Variants in ANKRD52 observed in about 807,000 individuals in gnomAD.
The protein encoded by ANKRD52 is ankyrin repeat domain 52.
A neutral mutation model predicts 116.0 loss-of-function variants in ANKRD52; 7 were observed. That is an observed-to-expected ratio of 0.06 (90% CI 0.03 to 0.11). The LOEUF is 0.11. Ranked by LOEUF, ANKRD52 falls within the 10% of genes least tolerant of loss-of-function variation. ANKRD52 has a pLI of 1.00. For synonymous variants in ANKRD52, 528 were observed against 578.1 expected, an observed-to-expected ratio of 0.91 and a Z score of 1.24; for missense variants, 839 against 1,408.6, an observed-to-expected ratio of 0.60 and a Z score of 6.47.
At position 56,255,649 on chromosome 12, in the gene ANKRD52, G is replaced by A. The variant is rs1249388539; in HGVS notation, c.462+135C>T. ...AATCTAGTCTGACCATTCATTTAGT[G>A]CTTCAGCTTAAGTGTTTATATAACC... On this transcript the variant is annotated intron_variant, in intron 5 of 27. Transcript: ENST00000267116. The surrounding 1 kb of genome is among the most constrained non-coding windows in gnomAD (Gnocchi z 4.3). 12 of 745,168 alleles carry A rather than the reference G, an allele frequency of 1.6e-5. No homozygotes were observed. The highest frequency in any genetic ancestry group is 1.7e-5 in the Non-Finnish European group (8 of 462,012). 46.2% of individuals were successfully genotyped at this position (745,168 alleles called of 1,614,324 possible). A position where few individuals can be genotyped will look rare whatever the true frequency, so the allele number is the denominator to read the frequency against.
At chr12:56,249,001 A>G in intron 15 of ANKRD52, 131 bp from the exon 16 acceptor site, 1 of 597,820 alleles carries the variant, frequency 1.7e-6, no homozygotes, top group Non-Finnish European at 2.9e-6. Context: ...AGCTCTAGGT[A>G]GGTTCTCTAA....
In ANKRD52 at chr12:56,248,703, C is replaced by T; in HGVS notation, c.1704+56G>A. 2 of 1,530,044 alleles carry T rather than the reference C, an allele frequency of 1.3e-6. No individual in the cohort carries two copies. The highest frequency in any genetic ancestry group is 4.7e-5 in the East Asian group (2 of 42,796). The allele number at this position is 1,530,044 out of a possible 1,614,324, so 94.8% of individuals were successfully genotyped here. ...ATTGAACCCTTAGTTTTGGAATCCA[C>T]AAACCCTGTGCCCTGCCCCTGCCTC... On this transcript the variant is annotated intron_variant, in intron 16 of 27. Transcript: ENST00000267116. This position sits in a 1 kb window ranked among gnomAD's most constrained non-coding sequence, Gnocchi z 5.1.
rs1555159446 is a variant in ANKRD52 at position 56,252,134 on chromosome 12, G to A, written c.1512-39C>T. 1 of 1,613,842 alleles carries A rather than the reference G, an allele frequency of 6.2e-7. No homozygotes were observed. Among genetic ancestry groups the A allele is most frequent in the Non-Finnish European group, 8.5e-7 (1 of 1,179,858 alleles). ...AGAGAAAGTTAGGGCCAGGCTCAGGGAGGTGAATGGGGCTGAGAAGGACCA... is the reference window on the plus strand; with the variant it reads ...AGAGAAAGTTAGGGCCAGGCTCAGGAAGGTGAATGGGGCTGAGAAGGACCA... On this transcript the variant is annotated intron_variant, in intron 14 of 27. Coordinates refer to ENST00000267116, the MANE Select transcript of ANKRD52 (RefSeq NM_173595.4). The surrounding 1 kb of genome is among the most constrained non-coding windows in gnomAD (Gnocchi z 4.7).
At chr12:56,251,901 C>A (rs529994387) in intron 15 of ANKRD52, 114 bp downstream of exon 15, 1 of 1,180,712 alleles carries the variant, frequency 8.5e-7, no homozygotes, top group Non-Finnish European at 1.2e-6. Context: ...TGCTGGCTGA[C>A]CGGCAGGACA....
At position 56,243,198 on chromosome 12, in the gene ANKRD52, G is replaced by C. The variant is rs1431904872; in HGVS notation, c.3175C>G (p.Pro1059Ala). 1 of 1,612,794 alleles carries C rather than the reference G, an allele frequency of 6.2e-7. No homozygotes were observed. Among genetic ancestry groups the C allele is most frequent in the Non-Finnish European group, 8.5e-7 (1 of 1,179,448 alleles). The change falls in exon 28 of 28, where the codon CCC (proline) becomes GCC (alanine). Residue 1059 changes from proline (P) to alanine (A), a missense_variant. By Grantham distance (27) the Pro-to-Ala change is conservative (BLOSUM62 -1). This residue lies in a region of ANKRD52 where 552 missense variants were observed against 810.6 expected (regional missense o/e 0.68). Transcript: ENST00000267116. This position sits in a 1 kb window ranked among gnomAD's most constrained non-coding sequence, Gnocchi z 4.6. ...CGALPHGASC[P>A]YSQERPGAIG... ...GCGCCGGGCCGCTCCTGGCTGTAGG[G>C]GCAGGAGGCCCCATGGGGCAGGGCG...
chr12:56,245,411 G>A lies in ANKRD52; in HGVS notation c.2370C>T (p.Ser790=), dbSNP rs765121379. The change falls in exon 21 of 28, where the codon AGC becomes AGT. Residue 790 remains serine (S), a synonymous_variant. Transcript: ENST00000267116. ...TDPLDAGVDY[S]GYSPMHWASY... is the part of the protein sequence containing the mutation. The stretch of plus-strand genomic sequence containing the variant: ...AGGCCCAGTGCATGGGCGAGTATCC[G>A]CTGTAATCCACCCCGGCATCCAGGG... The A allele has an allele frequency of 5.0e-5, 80 of 1,612,490 alleles. No homozygotes were observed. The highest frequency in any genetic ancestry group is 1.3e-4 in the African/African-American group (10 of 74,862).
chr12:56,252,966 C>G lies in ANKRD52; in HGVS notation c.1183+38G>C. 6.3e-7 allele frequency: 1 copy of G among 1,586,978 alleles called. No homozygotes were observed. Among genetic ancestry groups the G allele is most frequent in the Non-Finnish European group, 8.6e-7 (1 of 1,166,458 alleles). On this transcript the variant is annotated intron_variant, in intron 11 of 27. Transcript: ENST00000267116. The surrounding 1 kb of genome is among the most constrained non-coding windows in gnomAD (Gnocchi z 4.7). ...GCAGGGAGGGAAAGGCCTTTGCTCTCCTATACACCTGCCAATCCCCAGCCC... is the reference window on the plus strand; with the variant it reads ...GCAGGGAGGGAAAGGCCTTTGCTCTGCTATACACCTGCCAATCCCCAGCCC...
In ANKRD52 at chr12:56,244,092, T is replaced by C. The variant is rs757773521; in HGVS notation, c.2847A>G (p.Gln949=). 1 of 1,613,984 alleles carries C rather than the reference T, an allele frequency of 6.2e-7. No homozygotes were observed. Among genetic ancestry groups the C allele is most frequent in the South Asian group, 1.1e-5 (1 of 91,076 alleles). ...KCALMILAET[Q]DLGLINATNS... ...TGGTAGCATTGATAAGGCCAAGGTCTTGGGTTTCTGCCAGGATCATGAGGG... is the reference window on the plus strand; with the variant it reads ...TGGTAGCATTGATAAGGCCAAGGTCCTGGGTTTCTGCCAGGATCATGAGGG... The change falls in exon 26 of 28, where the codon CAA becomes CAG. Residue 949 remains glutamine (Q), a synonymous_variant. Transcript: ENST00000267116. The surrounding 1 kb of genome is among the most constrained non-coding windows in gnomAD (Gnocchi z 4.9).
chr12:56,246,273 G>T (rs1470753291), intron 20 of ANKRD52, among the ~76,000 whole-genome samples: 1 of 151,580 alleles, frequency 6.6e-6, no homozygotes, highest in African/African-American at 2.4e-5. Flanking sequence ...CAGGTGATCT[G>T]CCCGCCTTGG....
Position 56,244,267 on chromosome 12 carries a change from G to T in ANKRD52, c.2805+86C>A. 6.5e-7 allele frequency: 1 copy of T among 1,539,540 alleles called. No individual in the cohort carries two copies. The highest frequency in any genetic ancestry group is 9.0e-7 in the Non-Finnish European group (1 of 1,116,364). On this transcript the variant is annotated intron_variant, in intron 25 of 27. Coordinates refer to ENST00000267116, the MANE Select transcript of ANKRD52 (RefSeq NM_173595.4). The surrounding 1 kb of genome is among the most constrained non-coding windows in gnomAD (Gnocchi z 4.9). ...GATAGGCTGGACAATCCTCACTTCT[G>T]CCCCAGTCCCCTCTGCAACCGAGAC...
intron 15 of ANKRD52, among the ~76,000 whole-genome samples, chr12:56,250,019 AGAGT>A (rs1871608381): frequency 1.3e-5 from 2 of 152,086 alleles, no homozygotes; most frequent in South Asian, 4.1e-4. Context: ...CCTGGGCAAC[AGAGT>A]GAGACTCGGT....
Position 56,238,031 on chromosome 12 carries a change from C to A in ANKRD52, c.*5111G>T. On this transcript the variant is annotated 3_prime_UTR_variant, in exon 28 of 28. Coordinates refer to ENST00000267116, the MANE Select transcript of ANKRD52 (RefSeq NM_173595.4). ...AGGGGTGGGGCAAATGCACCGAGGTCCCCACTTTTTCCTGCTGCCCTCGGC... is the reference window on the plus strand; with the variant it reads ...AGGGGTGGGGCAAATGCACCGAGGTACCCACTTTTTCCTGCTGCCCTCGGC... 1 of 316,466 alleles carries A rather than the reference C, an allele frequency of 3.2e-6. No homozygotes were observed. Among genetic ancestry groups the A allele is most frequent in the Non-Finnish European group, 5.8e-6 (1 of 172,930 alleles). The allele number at this position is 316,466 out of a possible 1,614,324, so 19.6% of individuals were successfully genotyped here.
chr12:56,243,159 C>A lies in ANKRD52; in HGVS notation c.3214G>T (p.Gly1072Cys). 1 of 1,602,928 alleles carries A rather than the reference C, an allele frequency of 6.2e-7. No individual in the cohort carries two copies. The highest frequency in any genetic ancestry group is 8.5e-7 in the Non-Finnish European group (1 of 1,174,476). The change falls in exon 28 of 28, where the codon GGC (glycine) becomes TGC (cysteine). Residue 1072 changes from glycine (G) to cysteine (C), a missense_variant. By Grantham distance (159) the Gly-to-Cys change is radical. Transcript: ENST00000267116. The surrounding 1 kb of genome is among the most constrained non-coding windows in gnomAD (Gnocchi z 4.6). ...GGAGGGGGCTACTCAGAGTAGCAGC[C>A]ATCTAACCCAATGGCGCCGGGCCGC... is the stretch of plus-strand genomic sequence containing the variant. ...QERPGAIGLDGCYSE is the reference protein window; with the variant it reads ...QERPGAIGLDCCYSE
chr12:56,248,943 A>G lies in ANKRD52; in HGVS notation c.1593-73T>C. ...GAGGGCACAGTTCTGGGAGGGCCAG[A>G]GGAGAGGACCAAGGCCCTCCAGGCC... On this transcript the variant is annotated intron_variant, in intron 15 of 27. Coordinates refer to ENST00000267116, the MANE Select transcript of ANKRD52 (RefSeq NM_173595.4). This position sits in a 1 kb window ranked among gnomAD's most constrained non-coding sequence, Gnocchi z 5.1. The G allele has an allele frequency of 8.7e-7, 1 of 1,155,996 alleles. No homozygotes were observed. Among genetic ancestry groups the G allele is most frequent in the Non-Finnish European group, 1.2e-6 (1 of 823,642 alleles). 71.6% of individuals were successfully genotyped at this position (1,155,996 alleles called of 1,614,324 possible).
At position 56,257,370 on chromosome 12, in the gene ANKRD52, G is replaced by T; in HGVS notation, c.112-9C>A. ...GTTCGCCTCTCTTGGTCCTGGGAAG[G>T]CAAAAAAGAGCAGGGAGTATGGGCG... On this transcript the variant is annotated splice_polypyrimidine_tract_variant and intron_variant, in intron 2 of 27. Coordinates refer to ENST00000267116, the MANE Select transcript of ANKRD52 (RefSeq NM_173595.4). 6.3e-7 allele frequency: 1 copy of T among 1,577,402 alleles called. No individual in the cohort carries two copies.
chr12:56,244,790 G>C lies in ANKRD52; in HGVS notation c.2584C>G (p.Leu862Val), dbSNP rs748863721. The change falls in exon 24 of 28, where the codon CTT becomes GTT. Residue 862 changes from leucine (L) to valine (V), a missense_variant. Leu to Val is a conservative substitution (Grantham distance 32, BLOSUM62 1). Coordinates refer to ENST00000267116, the MANE Select transcript of ANKRD52 (RefSeq NM_173595.4). This position sits in a 1 kb window ranked among gnomAD's most constrained non-coding sequence, Gnocchi z 4.9. ...TTGTCCGCGAAGGCAGCGGCGTGAA[G>C]GGGGGTCCTGTAAGGCAGGGATCAG... Reference protein sequence around the residue: ...NSRDAKGRTPLHAAAFADNVS... With the variant: ...NSRDAKGRTPVHAAAFADNVS... 1.2e-6 allele frequency: 2 copies of C among 1,613,620 alleles called. No homozygotes were observed. The highest frequency in any genetic ancestry group is 1.7e-6 in the Non-Finnish European group (2 of 1,179,898).
chr12:56,245,470 G>C lies in ANKRD52; in HGVS notation c.2311C>G (p.Arg771Gly), dbSNP rs779509717. Residue 771 changes from arginine (R) to glycine (G), a missense_variant, in exon 21 of 28, where the codon CGG becomes GGG. This residue lies in a region of ANKRD52 where 552 missense variants were observed against 810.6 expected (regional missense o/e 0.68). Transcript: ENST00000267116. ...ASACGHTAVL[R>G]TLLQAALSTD... The stretch of plus-strand genomic sequence containing the variant: ...GAAAGGGCAGCCTGCAGCAGGGTCC[G>C]CAGTACTGCAGTGTGGCCACAGGCT... 2 of 1,611,540 alleles carry C rather than the reference G, an allele frequency of 1.2e-6. No homozygotes were observed. The highest frequency in any genetic ancestry group is 1.7e-6 in the Non-Finnish European group (2 of 1,179,096).
At chr12:56,249,949 A>G (rs1223471116) in intron 15 of ANKRD52, among the ~76,000 whole-genome samples, 2 of 152,176 alleles carry the variant, frequency 1.3e-5, no homozygotes, top group Non-Finnish European at 2.9e-5. Flanking sequence ...CTGAGGCAGA[A>G]TTGCTTGAAC....
chr12:56,252,659 C>A lies in ANKRD52; in HGVS notation c.1302-89G>T. ...CTAAGGAAGGATGGGACTAGCAAGC[C>A]CTTTCTGCTGTGACTGCTTTCATTG... On this transcript the variant is annotated intron_variant, in intron 12 of 27. Coordinates refer to ENST00000267116, the MANE Select transcript of ANKRD52 (RefSeq NM_173595.4). This position sits in a 1 kb window ranked among gnomAD's most constrained non-coding sequence, Gnocchi z 4.7. 6.5e-7 allele frequency: 1 copy of A among 1,542,080 alleles called. No individual in the cohort carries two copies. The highest frequency in any genetic ancestry group is 1.1e-5 in the South Asian group (1 of 89,252).
Sources: allele counts gnomAD v4.1 joint callset (sites outside exome capture counted in the v4.1 genomes callset), GRCh38; gene constraint gnomAD v4.1.1; regional missense constraint gnomAD v4.1.1; non-coding constraint Gnocchi (gnomAD v3.1); transcripts MANE v1.5; gene names NCBI Gene and HGNC (gene_info 2026-07-23, HGNC 2026-07-21).